TANC2: variants seen among roughly 807,000 people sequenced by gnomAD.
The protein encoded by TANC2 is protein TANC2.
A neutral mutation model predicts 210.5 loss-of-function variants in TANC2; 26 were observed. That is an observed-to-expected ratio of 0.12 (90% confidence interval 0.09 to 0.17). The LOEUF (loss-of-function observed/expected upper bound fraction) is 0.17, where lower values mean the gene tolerates loss of function less well. TANC2 is among the 10% of genes least tolerant of loss of function. TANC2 has a pLI of 1.00. For synonymous variants in TANC2, 931 were observed against 967.1 expected (o/e 0.96, Z 0.69); for missense variants, 2,129 against 2,608.9 (o/e 0.82, Z 4.01).
At chr17:63,306,957 A>G (rs2044932744) in intron 9 of TANC2, among the ~76,000 whole-genome samples, 1 of 152,194 alleles carries the variant, frequency 6.6e-6, no homozygotes, top group Admixed American at 6.5e-5. Context: ...TTAAAAAAAA[A>G]TGATGAGCAG....
intron 15 of TANC2, among the ~76,000 whole-genome samples, chr17:63,383,437 T>C (rs1335036171): frequency 4.6e-5 from 7 of 152,226 alleles, no homozygotes; most frequent in Admixed American, 4.6e-4. Context: ...TTTCCCAGAA[T>C]GTCATATAGT....
At chr17:63,346,019 A>G (rs2046396901) in intron 12 of TANC2, among the ~76,000 whole-genome samples, 2 of 152,248 alleles carry the variant, frequency 1.3e-5, no homozygotes, top group South Asian at 4.1e-4. Context: ...ATGCCAAGGC[A>G]ATTAGAGAAT....
intron 4 of TANC2, chr17:63,149,114 G>A (rs1053257598): frequency 1.3e-5 from 2 of 152,046 alleles, no homozygotes; most frequent in Non-Finnish European, 2.9e-5. Flanking sequence ...TCCTGAGAAG[G>A]GAAAATAAAG....
At chr17:63,082,361 A>G (rs1004683966) in intron 3 of TANC2, among the ~76,000 whole-genome samples, 2 of 152,210 alleles carry the variant, frequency 1.3e-5, no homozygotes, top group Non-Finnish European at 2.9e-5. Context: ...AAATTATTAT[A>G]GAGTTGATAC....
At chr17:63,026,654 A>G (rs1265512233) in intron 2 of TANC2, among the ~76,000 whole-genome samples, 3 of 152,180 alleles carry the variant, frequency 2.0e-5, no homozygotes, top group Non-Finnish European at 4.4e-5. Context: ...CAGTGATCAT[A>G]TATTGAATGA....
chr17:63,139,126 G>T (rs2039196084), intron 4 of TANC2, among the ~76,000 whole-genome samples: 1 of 152,198 alleles, frequency 6.6e-6, no homozygotes. Flanking sequence ...GTTCATATGA[G>T]AAGTCTTTTT....
At chr17:63,380,875 T>C (rs1372775481) in intron 15 of TANC2, among the ~76,000 whole-genome samples, 1 of 152,240 alleles carries the variant, frequency 6.6e-6, no homozygotes, top group Non-Finnish European at 1.5e-5. Context: ...ATCTTACTTG[T>C]CTTGTCTAAC....
At chr17:63,367,789 G>A (rs1212826428) in intron 14 of TANC2, among the ~76,000 whole-genome samples, 3 of 152,160 alleles carry the variant, frequency 2.0e-5, no homozygotes, top group African/African-American at 7.2e-5. Flanking sequence ...TAAGATGCGT[G>A]ATCAGGAAGA....
intron 5 of TANC2, among the ~76,000 whole-genome samples, chr17:63,164,427 A>G (rs932471275): frequency 3.9e-5 from 6 of 152,186 alleles, no homozygotes; most frequent in African/African-American, 1.4e-4. Flanking sequence ...ACATCACAGT[A>G]AATACAAAGG....
chr17:63,059,704 T>C (rs2144513858), intron 2 of TANC2, among the ~76,000 whole-genome samples: 1 of 152,310 alleles, frequency 6.6e-6, no homozygotes, highest in East Asian at 1.9e-4. Flanking sequence ...TTTTTTTGTT[T>C]TCTTTAAACA....
At chr17:63,190,735 C>T (rs1167628468) in intron 5 of TANC2, among the ~76,000 whole-genome samples, 3 of 152,046 alleles carry the variant, frequency 2.0e-5, no homozygotes, top group East Asian at 1.9e-4. Flanking sequence ...ACCCTCCCCC[C>T]TGCAAAAAAA....
chr17:63,134,691 A>T (rs973160343), intron 4 of TANC2, among the ~76,000 whole-genome samples: 1 of 152,232 alleles, frequency 6.6e-6, no homozygotes, highest in Non-Finnish European at 1.5e-5. Context: ...AAAGACAAGG[A>T]ATCCAAGCTT....
chr17:63,226,617 A>G (rs1467994992), intron 7 of TANC2, among the ~76,000 whole-genome samples: 1 of 152,320 alleles, frequency 6.6e-6, no homozygotes, highest in East Asian at 1.9e-4. Context: ...TTTTTTAAAA[A>G]TTTCCAGGAT....
exon 21 of TANC2, chr17:63,406,177 T>A: frequency 6.2e-7 from 1 of 1,613,942 alleles, no homozygotes; most frequent in Non-Finnish European, 8.5e-7. Flanking sequence ...TACTCACCCA[T>A]GGAGCTGATG....
chr17:63,205,076 C>A (rs917972546), intron 7 of TANC2, among the ~76,000 whole-genome samples: 2 of 151,976 alleles, frequency 1.3e-5, no homozygotes, highest in Admixed American at 6.6e-5. Flanking sequence ...CTGAGCAAGA[C>A]CCTGTCTCAA....
chr17:62,973,184 C>A (rs2031808353), intron 1 of TANC2, among the ~76,000 whole-genome samples: 4 of 152,166 alleles, frequency 2.6e-5, no homozygotes, highest in Admixed American at 2.6e-4. Context: ...CATGTGCCAC[C>A]ATGCCCAGCT....
At chr17:63,388,851 ACTTGT>A in intron 16 of TANC2, 94 bp downstream of exon 16, 1 of 957,490 alleles carries the variant, frequency 1.0e-6, no homozygotes. Flanking sequence ...TTGATCTTTG[ACTTGT>A]CTTTCTTATT....
At chr17:63,233,536 A>G (rs543868736) in intron 7 of TANC2, among the ~76,000 whole-genome samples, 6 of 152,242 alleles carry the variant, frequency 3.9e-5, no homozygotes, top group Admixed American at 2.6e-4. Flanking sequence ...CTTGCTCTCC[A>G]TGGCTCACGC....
intron 2 of TANC2, among the ~76,000 whole-genome samples, chr17:63,014,304 G>C (rs1057367312): frequency 6.6e-5 from 10 of 151,556 alleles, no homozygotes; most frequent in Admixed American, 2.6e-4. Flanking sequence ...TTAGTTTTTT[G>C]AACATATTTA....
Sources: allele counts gnomAD v4.1 joint callset (sites outside exome capture counted in the v4.1 genomes callset), GRCh38; gene constraint gnomAD v4.1.1; transcripts MANE v1.5; gene names NCBI Gene and HGNC (gene_info 2026-07-23, HGNC 2026-07-21).